The following RFX7 variants were observed in gnomAD, a reference collection of about 807,000 sequenced individuals.
RFX7 encodes DNA-binding protein RFX7.
Under a neutral mutation model 111.8 loss-of-function variants are expected in RFX7, and 26 were observed. The ratio of observed to expected loss-of-function variants is 0.23; its 90% CI spans 0.17 to 0.32. The LOEUF (loss-of-function observed/expected upper bound fraction) is 0.32. RFX7 is among the 10% of genes least tolerant of loss of function. The probability of loss-of-function intolerance (pLI) is 1.00; values close to 1 mark genes in which losing one functional copy is unlikely to be tolerated. For missense variants in RFX7, 1,573 were observed against 1,772.9 expected, an observed-to-expected ratio of 0.89 and a Z score of 2.02; for synonymous variants, 624 against 624.4, an observed-to-expected ratio of 1.00 and a Z score of 0.01.
At chr15:56,190,927 G>A (rs1426889125) in intron 2 of RFX7, among the ~76,000 whole-genome samples, 1 of 152,092 alleles carries the variant, frequency 6.6e-6, no homozygotes, top group African/African-American at 2.4e-5. Context: ...AACACAAATT[G>A]GATACTATAT....
At chr15:56,212,768 T>C (rs1353451491) in intron 2 of RFX7, among the ~76,000 whole-genome samples, 3 of 151,768 alleles carry the variant, frequency 2.0e-5, no homozygotes, top group African/African-American at 7.3e-5. Flanking sequence ...ATGTTAAAAA[T>C]AGAGTATGTT....
At chr15:56,196,904 T>C (rs1300125852) in intron 2 of RFX7, among the ~76,000 whole-genome samples, 1 of 152,172 alleles carries the variant, frequency 6.6e-6, no homozygotes, top group South Asian at 2.1e-4. Context: ...GGACTTTTTC[T>C]TGGACACATA....
intron 5 of RFX7, among the ~76,000 whole-genome samples, chr15:56,115,802 C>T (rs566851255): frequency 8.6e-5 from 13 of 151,988 alleles, no homozygotes; most frequent in African/African-American, 2.4e-4. Context: ...ATTAGCCGGG[C>T]GTGGTGGTGG....
intron 3 of RFX7, among the ~76,000 whole-genome samples, chr15:56,144,757 AT>A (rs2042446145): frequency 6.6e-6 from 1 of 152,100 alleles, no homozygotes; most frequent in Non-Finnish European, 1.5e-5. Flanking sequence ...AAAGCTTCTC[AT>A]TTTTAATCAC....
intron 2 of RFX7, among the ~76,000 whole-genome samples, chr15:56,188,021 A>G (rs1163002314): frequency 6.6e-6 from 1 of 152,228 alleles, no homozygotes; most frequent in Non-Finnish European, 1.5e-5. Flanking sequence ...TTAGCAGACA[A>G]GGACTTCAAA....
intron 2 of RFX7, among the ~76,000 whole-genome samples, chr15:56,221,359 T>C (rs1392902225): frequency 6.6e-6 from 1 of 152,222 alleles, no homozygotes; most frequent in Non-Finnish European, 1.5e-5. Context: ...CGTTCAGCAG[T>C]GTTTTGTAAT....
In RFX7 at chr15:56,091,013, T is replaced by G. The variant is rs1221908712; in HGVS notation, c.*2332A>C. The G allele has an allele frequency of 6.6e-6, 1 of 152,534 alleles. No homozygotes were observed. Among genetic ancestry groups the G allele is most frequent in the African/African-American group, 2.4e-5 (1 of 41,440 alleles). 9.4% of individuals were successfully genotyped at this position (152,534 alleles called of 1,614,324 possible). Reference sequence around the variant, plus strand: ...CTGTGAATAACTATGCTTGCCTGGTTAACACTGAACCAGTTTCAATACAGC... The same window carrying G: ...CTGTGAATAACTATGCTTGCCTGGTGAACACTGAACCAGTTTCAATACAGC... On this transcript the variant is annotated 3_prime_UTR_variant, in exon 10 of 10. Transcript: ENST00000559447.
chr15:56,175,522 T>C (rs1466473119), intron 3 of RFX7, among the ~76,000 whole-genome samples: 2 of 152,178 alleles, frequency 1.3e-5, no homozygotes, highest in Admixed American at 6.5e-5. Context: ...CAAGACAGTG[T>C]AGTGATGTCA....
chr15:56,125,066 G>A (rs1156681698), intron 5 of RFX7, among the ~76,000 whole-genome samples: 1 of 152,110 alleles, frequency 6.6e-6, no homozygotes, highest in East Asian at 1.9e-4. Flanking sequence ...TTATTCTTCT[G>A]CATATGTATA....
intron 2 of RFX7, among the ~76,000 whole-genome samples, chr15:56,220,333 C>A (rs1032374921): frequency 2.6e-5 from 4 of 152,058 alleles, no homozygotes; most frequent in Non-Finnish European, 5.9e-5. Flanking sequence ...TGGGTTCAAG[C>A]GATTCTTCTG....
chr15:56,202,355 T>C (rs1303489301), intron 2 of RFX7, among the ~76,000 whole-genome samples: 2 of 152,232 alleles, frequency 1.3e-5, no homozygotes, highest in Non-Finnish European at 2.9e-5. Flanking sequence ...AAGATCTTTT[T>C]CATACTAAGT....
At chr15:56,109,141 CCCTGCCTGATTCT>C (rs2041872583) in intron 5 of RFX7, among the ~76,000 whole-genome samples, 1 of 152,226 alleles carries the variant, frequency 6.6e-6, no homozygotes, top group African/African-American at 2.4e-5. Context: ...ACTGCAACCT[CCCTGCCTGATTCT>C]CCTGCCTCAG....
intron 2 of RFX7, among the ~76,000 whole-genome samples, chr15:56,206,368 G>A (rs1385368730): frequency 2.0e-5 from 3 of 152,140 alleles, no homozygotes; most frequent in African/African-American, 4.8e-5. Context: ...GGCAAGGATG[G>A]GGAGAAAAGA....
chr15:56,119,955 G>GT (rs1470227548), intron 5 of RFX7, among the ~76,000 whole-genome samples: 1 of 151,984 alleles, frequency 6.6e-6, no homozygotes, highest in African/African-American at 2.4e-5. Context: ...GTCCAGTTTT[G>GT]TTCTTTTTGC....
chr15:56,221,616 C>T (rs1413678108), intron 2 of RFX7, among the ~76,000 whole-genome samples: 2 of 151,828 alleles, frequency 1.3e-5, no homozygotes, highest in East Asian at 3.9e-4. Flanking sequence ...TTCCACTGTT[C>T]CTCATTTCCT....
At chr15:56,238,978 C>A (rs1054787175) in intron 2 of RFX7, among the ~76,000 whole-genome samples, 4 of 150,710 alleles carry the variant, frequency 2.7e-5, no homozygotes, top group Non-Finnish European at 4.4e-5. Context: ...GGACTACAGG[C>A]GCACGATGCC....
At chr15:56,109,209 C>A (rs1450515865) in intron 5 of RFX7, among the ~76,000 whole-genome samples, 1 of 152,256 alleles carries the variant, frequency 6.6e-6, no homozygotes, top group Non-Finnish European at 1.5e-5. Context: ...CCACGCCTGA[C>A]TGGTTTTCGT....
intron 3 of RFX7, among the ~76,000 whole-genome samples, chr15:56,171,467 A>G (rs1201121530): frequency 1.3e-5 from 2 of 152,132 alleles, no homozygotes; most frequent in African/African-American, 2.4e-5. Context: ...GAATGATGCA[A>G]TGTAAAAAGG....
At position 56,095,121 on chromosome 15, in the gene RFX7, G is replaced by A. The variant is rs1269998776; in HGVS notation, c.2607C>T (p.Ser869=). The A allele has an allele frequency of 5.6e-6, 9 of 1,613,698 alleles. No individual in the cohort carries two copies. The Admixed American group carries it at 1.5e-4, about 27-fold the overall frequency. Residue 869 remains serine, a synonymous_variant, in exon 10 of 10, where the codon TCC becomes TCT. Transcript: ENST00000559447. The part of the protein sequence containing the change: ...SELKEFEPSV[S]QTNESYFPFD... ...AAGGAAAGTAGCTTTCATTTGTCTGGGAAACAGAAGGCTCAAACTCCTTCA... is the reference window on the plus strand; with the variant it reads ...AAGGAAAGTAGCTTTCATTTGTCTGAGAAACAGAAGGCTCAAACTCCTTCA...
Sources: gnomAD v4.1 joint callset for allele counts (sites outside exome capture counted in the v4.1 genomes callset) on GRCh38, gnomAD v4.1.1 for gene constraint, MANE v1.5 for transcripts, NCBI Gene and HGNC (gene_info 2026-07-23, HGNC 2026-07-21) for gene names.